ME3: variants seen among roughly 807,000 people sequenced by gnomAD.
ME3 encodes the protein NADP-dependent malic enzyme, mitochondrial.
A neutral mutation model predicts 68.9 loss-of-function variants in ME3; 48 were observed. The observed-to-expected ratio is 0.70, with a 90% CI of 0.55 to 0.89. The LOEUF is 0.89. Ranked by LOEUF, ME3 falls within the 40% of genes least tolerant of loss-of-function variation. The pLI, the probability that ME3 is intolerant of heterozygous loss-of-function variation, is 0.00. For missense variants in ME3, 675 were observed against 797.4 expected (o/e 0.85, Z 1.85); for synonymous variants, 320 against 318.8 (o/e 1.00, Z -0.04).
intron 7 of ME3, among the ~76,000 whole-genome samples, chr11:86,484,378 A>T (rs11234665): frequency 0.2 from 29,925 of 151,986 alleles, 3,665 homozygotes; most frequent in Non-Finnish European, 0.28. Flanking sequence ...TGGGGAGACC[A>T]GCTCATTCCC....
chr11:86,614,914 G>C (rs913642074), intron 2 of ME3, among the ~76,000 whole-genome samples: 4 of 152,150 alleles, frequency 2.6e-5, no homozygotes, highest in Admixed American at 1.3e-4. Context: ...ATACATTAAT[G>C]AGCTTTTTGA....
At position 86,559,827 on chromosome 11, in the gene ME3, G is replaced by C. The variant is rs1957116244; in HGVS notation, c.184-4C>G. On this transcript the variant is annotated splice_polypyrimidine_tract_variant and splice_region_variant and intron_variant, in intron 2 of 14. Coordinates refer to ENST00000543262, the Ensembl canonical transcript of ME3. ...CTTCAAGGGTAAAGGCCATCCCCTG[G>C]GAAAAACAGGAAAAGAACACCCACA... 1 of 1,612,382 alleles carries C rather than the reference G, an allele frequency of 6.2e-7. No individual in the cohort carries two copies. The highest frequency in any genetic ancestry group is 1.3e-5 in the African/African-American group (1 of 74,812).
rs1565159327 is a variant in ME3 at position 86,574,412 on chromosome 11, T to TC, written c.184-14590_184-14589insG. Among the ~76,000 whole-genome samples, 16 of 63,704 alleles carry TC rather than the reference T, an allele frequency of 2.5e-4. 1 individual carries two copies. Among genetic ancestry groups the TC allele is most frequent in the African/African-American group, 6.4e-4 (15 of 23,504 alleles). 41.8% of individuals were successfully genotyped at this position (63,704 alleles called of 152,430 possible). On this transcript the variant is annotated intron_variant, in intron 2 of 14. Transcript: ENST00000543262. ...TATTTGTTGCCGGGGGGGGGGGGGG[T>TC]GTCTTTTTTGTTGATGTTGTTGTTG... is the stretch of plus-strand genomic sequence containing the variant.
intron 2 of ME3, among the ~76,000 whole-genome samples, chr11:86,668,977 C>T (rs1946745407): frequency 6.6e-6 from 1 of 152,212 alleles, no homozygotes; most frequent in African/African-American, 2.4e-5. Context: ...TCTTTCAAAA[C>T]TGCACTTCCA....
chr11:86,458,483 C>G (rs1413654883), intron 8 of ME3, among the ~76,000 whole-genome samples: 2 of 152,096 alleles, frequency 1.3e-5, no homozygotes, highest in African/African-American at 4.8e-5. Context: ...TGATCATCTT[C>G]TTGGCTTCTC....
At chr11:86,671,484 C>T (rs1009012917) in intron 2 of ME3, among the ~76,000 whole-genome samples, 2 of 152,222 alleles carry the variant, frequency 1.3e-5, no homozygotes, top group African/African-American at 4.8e-5. Context: ...GGAGAGCTGA[C>T]CGCAGGTCAG....
At chr11:86,442,671 G>A in intron 14 of ME3, 150 bp downstream of exon 14, 1 of 601,532 alleles carries the variant, frequency 1.7e-6, no homozygotes, top group Non-Finnish European at 2.8e-6. Context: ...GCAAACAAGA[G>A]TTTGTCACCC....
chr11:86,661,692 T>C (rs966629749), intron 2 of ME3, among the ~76,000 whole-genome samples: 7 of 152,162 alleles, frequency 4.6e-5, no homozygotes, highest in African/African-American at 1.7e-4. Context: ...ATTGGAAGTG[T>C]TTCTGCACCT....
intron 4 of ME3, among the ~76,000 whole-genome samples, chr11:86,541,694 C>T (rs896501446): frequency 6.6e-6 from 1 of 152,176 alleles, no homozygotes; most frequent in Non-Finnish European, 1.5e-5. Flanking sequence ...CAGAGCACCT[C>T]AGGGAAGGGG....
At chr11:86,553,547 G>T (rs2139427434) in intron 4 of ME3, among the ~76,000 whole-genome samples, 1 of 152,332 alleles carries the variant, frequency 6.6e-6, no homozygotes, top group Non-Finnish European at 1.5e-5. Flanking sequence ...CTGGAAAGCA[G>T]CCAAATGGAA....
At chr11:86,466,535 C>T (rs1950489752) in intron 7 of ME3, among the ~76,000 whole-genome samples, 1 of 151,990 alleles carries the variant, frequency 6.6e-6, no homozygotes, top group South Asian at 2.1e-4. Flanking sequence ...GTGGGTGGGG[C>T]ACATGCTTGG....
intron 2 of ME3, among the ~76,000 whole-genome samples, chr11:86,596,435 G>A (rs1181313901): frequency 1.3e-5 from 2 of 152,292 alleles, no homozygotes; most frequent in Middle Eastern, 3.4e-3. Flanking sequence ...TATTTTCAAA[G>A]TACAGGTTTC....
At chr11:86,487,099 C>G (rs1482656497) in intron 7 of ME3, among the ~76,000 whole-genome samples, 2 of 152,194 alleles carry the variant, frequency 1.3e-5, no homozygotes, top group Non-Finnish European at 2.9e-5. Context: ...CAGATCACAG[C>G]CTTCAGCCAT....
chr11:86,508,712 T>A (rs1953274873), intron 5 of ME3, 80 bp downstream of exon 5: 2 of 1,359,078 alleles, frequency 1.5e-6, no homozygotes, highest in South Asian at 2.4e-5. Context: ...ATGGCTCATT[T>A]TATAGATGGA....
chr11:86,553,904 T>G (rs1375713289), intron 4 of ME3, among the ~76,000 whole-genome samples: 1 of 151,518 alleles, frequency 6.6e-6, no homozygotes, highest in Admixed American at 6.6e-5. Context: ...AGTGTGGTGG[T>G]TGCCTGTCTA....
intron 2 of ME3, among the ~76,000 whole-genome samples, chr11:86,596,204 C>T (rs1959427378): frequency 1.3e-5 from 2 of 152,158 alleles, no homozygotes; most frequent in African/African-American, 4.8e-5. Context: ...GGAAAGCATA[C>T]ATACCCCATA....
chr11:86,671,994 T>A, intron 1 of ME3, 36 bp from the exon 2 acceptor site: 1 of 1,353,112 alleles, frequency 7.4e-7, no homozygotes, highest in Non-Finnish European at 9.5e-7. Flanking sequence ...AGGGCCTCCT[T>A]CCAGCCAGCC....
intron 7 of ME3, among the ~76,000 whole-genome samples, chr11:86,467,963 TC>T (rs977405011): frequency 8.5e-5 from 13 of 152,106 alleles, no homozygotes; most frequent in African/African-American, 3.1e-4. Flanking sequence ...GATTCATAGT[TC>T]CTAGAACTCA....
chr11:86,560,742 G>GTATATATATCTATATA (rs1201892920), intron 2 of ME3, among the ~76,000 whole-genome samples: 1 of 58,298 alleles, frequency 1.7e-5, no homozygotes, highest in African/African-American at 5.6e-5. Flanking sequence ...GTGTGTGTGT[G>GTATATATATCTATATA]TGTGTGTATA....
Sources: allele counts gnomAD v4.1 joint callset (sites outside exome capture counted in the v4.1 genomes callset), GRCh38; gene constraint gnomAD v4.1.1; transcripts MANE v1.5; gene names NCBI Gene and HGNC (gene_info 2026-07-23, HGNC 2026-07-21).